The following KIF2C variants were observed in gnomAD, a reference collection of about 807,000 sequenced individuals.
KIF2C encodes the protein kinesin family member 2C, also known as kinesin-like protein KIF2C.
A neutral mutation model predicts 97.4 loss-of-function variants in KIF2C; 34 were observed. That is an observed-to-expected ratio of 0.35 (90% CI 0.27 to 0.46). The LOEUF is 0.46. Among genes scored for constraint, KIF2C ranks in the 20% least tolerant of loss-of-function variants. KIF2C has a pLI of 1.00. For synonymous variants in KIF2C, 313 were observed against 318.2 expected, an observed-to-expected ratio of 0.98 and a Z score of 0.17; for missense variants, 750 against 907.6, an observed-to-expected ratio of 0.83 and a Z score of 2.23.
chr1:44,758,379 T>A (rs1360032883), intron 13 of KIF2C, among the ~76,000 whole-genome samples: 1 of 152,136 alleles, frequency 6.6e-6, no homozygotes, highest in Admixed American at 6.5e-5. Context: ...AAGGTTTGCC[T>A]GTGTGTGTCC....
At chr1:44,744,609 C>T (rs968958705) in intron 2 of KIF2C, among the ~76,000 whole-genome samples, 3 of 152,184 alleles carry the variant, frequency 2.0e-5, no homozygotes, top group Non-Finnish European at 4.4e-5. Context: ...AGGCTTAAAA[C>T]TCTGGTTTTC....
chr1:44,757,559 C>T lies in KIF2C; in HGVS notation c.981C>T (p.Phe327=). 1 of 1,608,584 alleles carries T rather than the reference C, an allele frequency of 6.2e-7. No individual in the cohort carries two copies. Among genetic ancestry groups the T allele is most frequent in the Non-Finnish European group, 8.5e-7 (1 of 1,174,950 alleles). The part of the protein sequence containing the change: ...ETASNEVVYR[F]TARPLVQTIF... ...AAATACTCTACCCCTCTTCTAGGTT[C>T]ACAGCAAGGCCACTGGTACAGACAA... is the stretch of plus-strand genomic sequence containing the variant. Residue 327 remains phenylalanine, a synonymous_variant, in exon 11 of 21, where the codon TTC becomes TTT. Coordinates refer to ENST00000372224, the MANE Select transcript of KIF2C (RefSeq NM_006845.4).
At chr1:44,763,043 C>G (rs1650251611) in intron 19 of KIF2C, among the ~76,000 whole-genome samples, 1 of 152,222 alleles carries the variant, frequency 6.6e-6, no homozygotes, top group African/African-American at 2.4e-5. Flanking sequence ...AAGGGTATGA[C>G]TTGAGATCAA....
intron 8 of KIF2C, among the ~76,000 whole-genome samples, chr1:44,755,700 TA>T (rs2148828594): frequency 6.6e-6 from 1 of 152,318 alleles, no homozygotes; most frequent in South Asian, 2.1e-4. Context: ...ATCATGAAAG[TA>T]GTGCTGAAAC....
In KIF2C at chr1:44,761,926, T is replaced by A; in HGVS notation, c.1694T>A (p.Ile565Asn). The change falls in exon 17 of 21, where the codon ATC becomes AAC. Residue 565 changes from isoleucine (I) to asparagine (N), a missense_variant. Ile to Asn is a moderately radical substitution (Grantham distance 149). Coordinates refer to ENST00000372224, the MANE Select transcript of KIF2C (RefSeq NM_006845.4). ...ENSRTCMIATISPGISSCEYT... is the reference protein window; with the variant it reads ...ENSRTCMIATNSPGISSCEYT... ...ACCCCTCTTTTGCAGATTGCCACGA[T>A]CTCACCAGGCATAAGCTCCTGTGAA... 1 of 1,614,128 alleles carries A rather than the reference T, an allele frequency of 6.2e-7. No individual in the cohort carries two copies. The highest frequency in any genetic ancestry group is 8.5e-7 in the Non-Finnish European group (1 of 1,180,008).
chr1:44,759,903 G>A (rs753218744), intron 14 of KIF2C, among the ~76,000 whole-genome samples: 2 of 152,110 alleles, frequency 1.3e-5, no homozygotes, highest in Non-Finnish European at 2.9e-5. Flanking sequence ...GGGGCGCTAC[G>A]CAGCTATAGA....
Position 44,758,181 on chromosome 1 carries a change from A to G in KIF2C, c.1224+41A>G, listed in dbSNP as rs763707658. 22 of 1,573,716 alleles carry G rather than the reference A, an allele frequency of 1.4e-5. No homozygotes were observed. In the South Asian group the frequency reaches 2.2e-4, roughly 16 times the overall value. ...CCCCTTGTTTACACTGTTGGGGCCC[A>G]GCACTTTTTAAAACCTTGAAGCTGG... On this transcript the variant is annotated intron_variant, in intron 13 of 20. Coordinates refer to ENST00000372224, the MANE Select transcript of KIF2C (RefSeq NM_006845.4).
At chr1:44,758,354 C>A (rs555417348) in intron 13 of KIF2C, among the ~76,000 whole-genome samples, 1 of 152,180 alleles carries the variant, frequency 6.6e-6, no homozygotes, top group Non-Finnish European at 1.5e-5. Context: ...CTCCTCAGGG[C>A]GCCCTTTCAG....
In KIF2C at chr1:44,753,218, A is replaced by G. The variant is rs936400370; in HGVS notation, c.526A>G (p.Ile176Val). ...GGAGATGGAAGAGCAAGTCCATTCCATCCGAGGCAGCTCTTCTGCAAACCC... is the reference window on the plus strand; with the variant it reads ...GGAGATGGAAGAGCAAGTCCATTCCGTCCGAGGCAGCTCTTCTGCAAACCC... ...SEEMEEQVHS[I>V]RGSSSANPVN... The change falls in exon 6 of 21, where the codon ATC (isoleucine) becomes GTC (valine). Residue 176 changes from isoleucine (I) to valine (V), a missense_variant. Ile to Val is a conservative substitution (Grantham distance 29). Coordinates refer to ENST00000372224, the MANE Select transcript of KIF2C (RefSeq NM_006845.4). 1.1e-5 allele frequency: 18 copies of G among 1,613,788 alleles called. No individual in the cohort carries two copies. The highest frequency in any genetic ancestry group is 1.5e-5 in the Non-Finnish European group (18 of 1,179,882).
chr1:44,761,774 G>C, intron 16 of KIF2C, 142 bp from the exon 17 acceptor site: 1 of 743,482 alleles, frequency 1.3e-6, no homozygotes, highest in Non-Finnish European at 2.4e-6. Flanking sequence ...AGCACAGCGC[G>C]GTGCTAAATG....
At chr1:44,746,617 A>G in intron 2 of KIF2C, 2 of 1,471,814 alleles carry the variant, frequency 1.4e-6, no homozygotes, top group Admixed American at 2.6e-5. Flanking sequence ...ACTGCCCAGC[A>G]GATCAGCAGG....
rs1280884294 is a variant in KIF2C at position 44,761,989 on chromosome 1, A to C, written c.1751+6A>C. ...ACCCTGAGATATGCAGACAGGTACT[A>C]GTACCTACAGCTAGGTGGGATGCGG... On this transcript the variant is annotated splice_donor_region_variant and intron_variant, in intron 17 of 20. Transcript: ENST00000372224. 1 of 1,612,464 alleles carries C rather than the reference A, an allele frequency of 6.2e-7. No individual in the cohort carries two copies.
intron 13 of KIF2C, 122 bp downstream of exon 13, chr1:44,758,262 C>A: frequency 1.3e-6 from 1 of 783,932 alleles, no homozygotes. Context: ...CACTGATGGG[C>A]CATTCTGCCC....
In KIF2C at chr1:44,761,780, A is replaced by G. The variant is rs1283516092; in HGVS notation, c.1684-136A>G. On this transcript the variant is annotated intron_variant, in intron 16 of 20. Coordinates refer to ENST00000372224, the MANE Select transcript of KIF2C (RefSeq NM_006845.4). The stretch of plus-strand genomic sequence containing the variant: ...AAGTGGCCTAGCACAGCGCGGTGCT[A>G]AATGACTCCTCCCACCAATACCATG... The G allele has an allele frequency of 3.8e-6, 3 of 794,296 alleles. No individual in the cohort carries two copies. In the African/African-American group the frequency reaches 5.1e-5, roughly 13 times the overall value. The allele number at this position is 794,296 out of a possible 1,614,324, so 49.2% of individuals were successfully genotyped here.
chr1:44,741,996 C>CAAA (rs397980058), intron 2 of KIF2C, among the ~76,000 whole-genome samples: 10,419 of 67,372 alleles, frequency 0.15, 1,078 homozygotes, highest in East Asian at 0.27. Flanking sequence ...GGACTTGTCT[C>CAAA]AAAAAAAAAA....
rs1650525576 is a variant in KIF2C at position 44,767,353 on chromosome 1, A to AT, written c.*175dup. 1 of 577,128 alleles carries AT rather than the reference A, an allele frequency of 1.7e-6. No individual in the cohort carries two copies. The highest frequency in any genetic ancestry group is 3.1e-6 in the Non-Finnish European group (1 of 319,416). The allele number at this position is 577,128 out of a possible 1,614,324, so 35.8% of individuals were successfully genotyped here. ...CAGCTGGGGAGGGGGTCAGAGTGAC[A>AT]TGGGACACTCCTTTTCTGTTCCTCA... On this transcript the variant is annotated 3_prime_UTR_variant, in exon 21 of 21. Coordinates refer to ENST00000372224, the MANE Select transcript of KIF2C (RefSeq NM_006845.4).
At chr1:44,764,514 TTTG>T (rs201250023) in intron 19 of KIF2C, among the ~76,000 whole-genome samples, 2,841 of 149,994 alleles carry the variant, frequency 0.019, 36 homozygotes, top group Admixed American at 0.043. Context: ...TGTTTGTTTG[TTTG>T]TTTTGGGGGG....
At chr1:44,744,864 C>T (rs553648301) in intron 2 of KIF2C, among the ~76,000 whole-genome samples, 2 of 151,812 alleles carry the variant, frequency 1.3e-5, no homozygotes, top group South Asian at 4.2e-4. Flanking sequence ...CGCGCCATTG[C>T]ACTCCAGCAG....
At chr1:44,748,144 C>T (rs1649315550) in intron 4 of KIF2C, among the ~76,000 whole-genome samples, 1 of 152,146 alleles carries the variant, frequency 6.6e-6, no homozygotes, top group Admixed American at 6.6e-5. Context: ...ACAGCATTGC[C>T]TCGTGGTCTA....
Sources: allele counts gnomAD v4.1 joint callset (sites outside exome capture counted in the v4.1 genomes callset), GRCh38; gene constraint gnomAD v4.1.1; transcripts MANE v1.5; gene names NCBI Gene and HGNC (gene_info 2026-07-23, HGNC 2026-07-21).